The following IL33 variants were observed in gnomAD, a reference collection of about 807,000 sequenced individuals.
IL33 encodes the protein interleukin-33.
A neutral mutation model predicts 27.3 loss-of-function variants in IL33; 37 were observed. That is an observed-to-expected ratio of 1.36 (90% CI 1.04 to 1.78). The LOEUF (loss-of-function observed/expected upper bound fraction) is 1.78, where lower values mean the gene tolerates loss of function less well. Ranked by LOEUF, IL33 falls within the 40% of genes most tolerant of loss-of-function variation. The probability of loss-of-function intolerance (pLI) is 0.00; values close to 1 mark genes in which losing one functional copy is unlikely to be tolerated. For synonymous variants in IL33, 132 were observed against 102.9 expected (o/e 1.28, Z -1.71); for missense variants, 406 against 311.4 (o/e 1.30, Z -2.29).
At chr9:6,237,542 A>G (rs1819292798) in intron 1 of IL33, among the ~76,000 whole-genome samples, 1 of 152,218 alleles carries the variant, frequency 6.6e-6, no homozygotes, top group African/African-American at 2.4e-5. Flanking sequence ...CTCTCAAACT[A>G]GTCCATGAGG....
rs747116501 is a variant in IL33 at position 6,253,518 on chromosome 9, T to A, written c.470-34T>A. On this transcript the variant is annotated intron_variant, in intron 5 of 7. Coordinates refer to ENST00000682010, the MANE Select transcript of IL33 (RefSeq NM_033439.4). Reference sequence around the variant, plus strand: ...GAACTGAAAACTTAACAAAATTGTGTCTCACCAGAGGGATTTTATGCATTC... The same window carrying A: ...GAACTGAAAACTTAACAAAATTGTGACTCACCAGAGGGATTTTATGCATTC... The A allele has an allele frequency of 7.9e-6, 12 of 1,523,540 alleles. No individual in the cohort carries two copies. The South Asian group carries it at 1.3e-4, about 16-fold the overall frequency. The allele number at this position is 1,523,540 out of a possible 1,614,324, so 94.4% of individuals were successfully genotyped here. A position where few individuals can be genotyped will look rare whatever the true frequency, so the allele number is the denominator to read the frequency against.
chr9:6,245,762 G>T (rs1819798455), intron 2 of IL33, among the ~76,000 whole-genome samples: 1 of 152,110 alleles, frequency 6.6e-6, no homozygotes, highest in South Asian at 2.1e-4. Flanking sequence ...TCAGCTTTTT[G>T]ATTTAAGAAT....
intron 6 of IL33, 145 bp from the exon 7 acceptor site, chr9:6,254,317 G>C: frequency 2.1e-6 from 1 of 485,740 alleles, no homozygotes; most frequent in Non-Finnish European, 3.6e-6. Context: ...TTGAACTTGG[G>C]TACAAATACT....
At chr9:6,250,669 T>C (rs747710339) in intron 3 of IL33, 70 bp downstream of exon 3, 35 of 1,512,114 alleles carry the variant, frequency 2.3e-5, no homozygotes, top group Non-Finnish European at 2.9e-5. Context: ...CACATCTAAA[T>C]ATGCAATTAT....
At chr9:6,221,459 G>A (rs957013461) in intron 1 of IL33, among the ~76,000 whole-genome samples, 1 of 152,294 alleles carries the variant, frequency 6.6e-6, no homozygotes, top group East Asian at 1.9e-4. Flanking sequence ...AAGAATTTCT[G>A]CTCAGTGCTA....
chr9:6,225,347 G>C (rs1033823036), intron 1 of IL33, among the ~76,000 whole-genome samples: 1 of 152,084 alleles, frequency 6.6e-6, no homozygotes, highest in Non-Finnish European at 1.5e-5. Context: ...CTTTGTTGTT[G>C]CTGAATAAAG....
At position 6,256,339 on chromosome 9, in the gene IL33, TCTTTTA is replaced by T; in HGVS notation, c.*172_*177del. 1.7e-6 allele frequency: 1 copy of T among 589,200 alleles called. No individual in the cohort carries two copies. Among genetic ancestry groups the T allele is most frequent in the Non-Finnish European group, 3.0e-6 (1 of 335,428 alleles). The allele number at this position is 589,200 out of a possible 1,614,324, so 36.5% of individuals were successfully genotyped here. A position where few individuals can be genotyped will look rare whatever the true frequency, so the allele number is the denominator to read the frequency against. ...ATATTTTTTCTAATCCTCCAGTTATTCTTTTATTTCCCTCTGTATAACTGCATCTTC... is the reference window on the plus strand; with the variant it reads ...ATATTTTTTCTAATCCTCCAGTTATTTTTCCCTCTGTATAACTGCATCTTC... On this transcript the variant is annotated 3_prime_UTR_variant, in exon 8 of 8. Coordinates refer to ENST00000682010, the MANE Select transcript of IL33 (RefSeq NM_033439.4).
chr9:6,226,355 T>G (rs1201105576), intron 1 of IL33, among the ~76,000 whole-genome samples: 1 of 152,084 alleles, frequency 6.6e-6, no homozygotes, highest in Non-Finnish European at 1.5e-5. Context: ...ATTGAAACTC[T>G]TGGATCTAAG....
intron 1 of IL33, among the ~76,000 whole-genome samples, chr9:6,235,950 T>C (rs1235206692): frequency 6.6e-6 from 1 of 151,906 alleles, no homozygotes; most frequent in Admixed American, 6.6e-5. Context: ...ACTAGGAGTT[T>C]ATGCTACCAA....
At chr9:6,218,778 TA>T (rs1818273965) in intron 1 of IL33, among the ~76,000 whole-genome samples, 1 of 121,058 alleles carries the variant, frequency 8.3e-6, no homozygotes, top group African/African-American at 3.1e-5. Flanking sequence ...CATATATATA[TA>T]TGTTCTCCAT....
intron 2 of IL33, among the ~76,000 whole-genome samples, chr9:6,244,368 C>G (rs543309411): frequency 6.6e-6 from 1 of 152,050 alleles, no homozygotes; most frequent in South Asian, 2.1e-4. Flanking sequence ...AAATATGTAC[C>G]AAGACACCCA....
intron 1 of IL33, among the ~76,000 whole-genome samples, chr9:6,241,242 T>C (rs1587643828): frequency 6.6e-6 from 1 of 152,218 alleles, no homozygotes; most frequent in South Asian, 2.1e-4. Flanking sequence ...AAGTATAGTA[T>C]AGCAAATACA....
intron 1 of IL33, among the ~76,000 whole-genome samples, 196 bp downstream of exon 1, chr9:6,216,048 T>C (rs764758309): frequency 6.6e-6 from 1 of 152,224 alleles, no homozygotes; most frequent in Non-Finnish European, 1.5e-5. Flanking sequence ...CTTTGGGTGA[T>C]TTGTAAAATT....
At chr9:6,251,326 A>C in intron 4 of IL33, 61 bp downstream of exon 4, 1 of 1,598,138 alleles carries the variant, frequency 6.3e-7, no homozygotes, top group Non-Finnish European at 8.5e-7. Context: ...AGGACCCCGG[A>C]AAGTGCTACT....
At chr9:6,229,262 G>A (rs1271906559) in intron 1 of IL33, among the ~76,000 whole-genome samples, 1 of 152,146 alleles carries the variant, frequency 6.6e-6, no homozygotes, top group Non-Finnish European at 1.5e-5. Flanking sequence ...GTCTAAGCTT[G>A]GGAAGGGGAT....
Position 6,215,860 on chromosome 9 carries a change from T to C in IL33, c.-12+8T>C, listed in dbSNP as rs1347253185. On this transcript the variant is annotated splice_region_variant and intron_variant, in intron 1 of 7. Transcript: ENST00000682010. ...TCAAAACAAGATCACAAGGTAAGAC[T>C]GAATATTCTGGGAGATTTTTAGTCA... 4 of 151,186 alleles carry C rather than the reference T, an allele frequency of 2.6e-5. No individual in the cohort carries two copies. The South Asian group carries it at 8.4e-4, about 32-fold the overall frequency. 9.4% of individuals were successfully genotyped at this position (151,186 alleles called of 1,614,324 possible).
At chr9:6,231,338 T>A (rs896895849) in intron 1 of IL33, among the ~76,000 whole-genome samples, 1 of 152,090 alleles carries the variant, frequency 6.6e-6, no homozygotes, top group Non-Finnish European at 1.5e-5. Flanking sequence ...CACATTATGC[T>A]CTCCCCATTG....
upstream of IL33, chr9:6,215,664 G>A (rs1818104670): frequency 6.6e-6 from 1 of 152,178 alleles, no homozygotes. Context: ...AGCCTTAGAT[G>A]TTGACAGAAT....
At chr9:6,254,312 C>G in intron 6 of IL33, 150 bp from the exon 7 acceptor site, 1 of 472,276 alleles carries the variant, frequency 2.1e-6, no homozygotes, top group South Asian at 4.7e-5. Context: ...GCCTCTTGAA[C>G]TTGGGTACAA....
Sources: gnomAD v4.1 joint callset for allele counts (sites outside exome capture counted in the v4.1 genomes callset) on GRCh38, gnomAD v4.1.1 for gene constraint, MANE v1.5 for transcripts, NCBI Gene and HGNC (gene_info 2026-07-23, HGNC 2026-07-21) for gene names.